Variants in CHD1 observed in about 807,000 individuals in gnomAD.
The protein encoded by CHD1 is ATP-dependent chromatin remodeler CHD1.
A neutral mutation model predicts 224.2 loss-of-function variants in CHD1; 36 were observed. The ratio of observed to expected loss-of-function variants is 0.16; its 90% CI spans 0.12 to 0.21. The LOEUF (loss-of-function observed/expected upper bound fraction) is 0.21. CHD1 is among the 10% of genes least tolerant of loss of function. The probability of loss-of-function intolerance (pLI) is 1.00; values close to 1 mark genes in which losing one functional copy is unlikely to be tolerated. For missense variants in CHD1, 1,378 were observed against 1,994.8 expected, an observed-to-expected ratio of 0.69 and a Z score of 5.89; for synonymous variants, 668 against 658.3, an observed-to-expected ratio of 1.01 and a Z score of -0.23.
At position 98,907,549 on chromosome 5, in the gene CHD1, T is replaced by C. The variant is rs190342046; in HGVS notation, c.54-2451A>G. Among the ~76,000 whole-genome samples the C allele has an allele frequency of 7.6e-3, 1,088 of 143,778 alleles. 10 individuals carry two copies. The highest frequency in any genetic ancestry group is 0.019 in the South Asian group (88 of 4,654). The allele number at this position is 143,778 out of a possible 152,430, so 94.3% of individuals were successfully genotyped here. ...GTTGCAGTGAGCCAAGTTCACGCCA[T>C]TGCACTCCAGCCTGGGCAACAAGAG... On this transcript the variant is annotated intron_variant, in intron 2 of 35. Transcript: ENST00000614616.
intron 18 of CHD1, among the ~76,000 whole-genome samples, chr5:98,885,092 TAA>T (rs1750553450): frequency 6.6e-6 from 1 of 152,026 alleles, no homozygotes; most frequent in African/African-American, 2.4e-5. Flanking sequence ...TTATTGATAA[TAA>T]AGAGTAAAAT....
In CHD1 at chr5:98,856,426, T is replaced by G. The variant is rs372834632; in HGVS notation, c.5087A>C (p.Glu1696Ala). The change falls in exon 36 of 36, where the codon GAA (glutamate) becomes GCA (alanine). Residue 1696 changes from glutamate to alanine, a missense_variant. By Grantham distance (107) the Glu-to-Ala change is moderately radical. Coordinates refer to ENST00000614616, the MANE Select transcript of CHD1 (RefSeq NM_001270.4). ...GSRSPFEHSVEHKSTPEHTWS... is the reference protein window; with the variant it reads ...GSRSPFEHSVAHKSTPEHTWS... ...GGTATGCTCCGGTGTACTTTTGTGT[T>G]CAACTGAATGTTCAAATGGAGATCT... The G allele has an allele frequency of 3.1e-6, 5 of 1,613,152 alleles. No homozygotes were observed. The highest frequency in any genetic ancestry group is 4.2e-6 in the Non-Finnish European group (5 of 1,179,610).
chr5:98,911,391 G>A (rs1163817869), intron 2 of CHD1, among the ~76,000 whole-genome samples: 1 of 151,866 alleles, frequency 6.6e-6, no homozygotes, highest in Non-Finnish European at 1.5e-5. Flanking sequence ...ACTGGTAAGG[G>A]TATTAGTCTT....
intron 26 of CHD1, among the ~76,000 whole-genome samples, chr5:98,873,390 G>A (rs1368628247): frequency 6.6e-6 from 1 of 152,056 alleles, no homozygotes; most frequent in Non-Finnish European, 1.5e-5. Context: ...GAAAATGTCA[G>A]GGGAATTAAA....
intron 31 of CHD1, 72 bp from the exon 32 acceptor site, chr5:98,863,658 AATG>A (rs1748642568): frequency 3.1e-6 from 3 of 982,238 alleles, no homozygotes; most frequent in Admixed American, 2.7e-5. Flanking sequence ...TACCTCCTTC[AATG>A]ATATTTACAT....
intron 25 of CHD1, among the ~76,000 whole-genome samples, chr5:98,874,665 T>C (rs2112341735): frequency 6.8e-6 from 1 of 146,828 alleles, no homozygotes; most frequent in East Asian, 2.0e-4. Context: ...TGAGCCAAGA[T>C]CGCGCCACTG....
chr5:98,854,642 G>A lies in CHD1; in HGVS notation c.*1738C>T, dbSNP rs2112428219. The A allele has an allele frequency of 6.6e-6, 1 of 152,128 alleles. No individual in the cohort carries two copies. Among genetic ancestry groups the A allele is most frequent in the East Asian group, 1.9e-4 (1 of 5,196 alleles). The allele number at this position is 152,128 out of a possible 1,614,324, so 9.4% of individuals were successfully genotyped here. The stretch of plus-strand genomic sequence containing the variant: ...TTCTTCAGGGTAACTGTATCAGAAA[G>A]AGAAATTACTGCAAAAAACAAAACA... On this transcript the variant is annotated 3_prime_UTR_variant, in exon 36 of 36. Coordinates refer to ENST00000614616, the MANE Select transcript of CHD1 (RefSeq NM_001270.4).
intron 28 of CHD1, among the ~76,000 whole-genome samples, chr5:98,871,251 G>A (rs992102272): frequency 6.6e-6 from 1 of 150,990 alleles, no homozygotes; most frequent in Non-Finnish European, 1.5e-5. Context: ...TTTTACAGGG[G>A]AATCTAGACT....
chr5:98,896,799 A>AT (rs939990079), intron 11 of CHD1, among the ~76,000 whole-genome samples: 1 of 151,554 alleles, frequency 6.6e-6, no homozygotes, highest in South Asian at 2.1e-4. Context: ...ATTAAAAAAA[A>AT]AAACTATAGC....
rs1388130344 is a variant in CHD1 at position 98,873,667 on chromosome 5, C to T, written c.3497G>A (p.Arg1166Lys). Residue 1166 changes from arginine to lysine, a missense_variant, in exon 26 of 36, where the codon AGA becomes AAA. Arg to Lys is a conservative substitution (Grantham distance 26). Around this residue, in one of 16 missense-constraint regions of CHD1, gnomAD observed 286 missense variants for 445.1 expected, o/e 0.64. Coordinates refer to ENST00000614616, the MANE Select transcript of CHD1 (RefSeq NM_001270.4). The part of the protein sequence containing the change: ...ELVDKSETDL[R>K]RLGELVHNGC... The stretch of plus-strand genomic sequence containing the variant: ...ATTATGTACCAATTCTCCCAGTCGT[C>T]TAAGGTCTGTTTCTGACTTATCAAC... 1.2e-6 allele frequency: 2 copies of T among 1,610,590 alleles called. No individual in the cohort carries two copies. The highest frequency in any genetic ancestry group is 1.7e-6 in the Non-Finnish European group (2 of 1,178,654).
intron 8 of CHD1, 91 bp from the exon 9 acceptor site, chr5:98,898,855 T>C (rs1034424294): frequency 1.4e-6 from 1 of 730,838 alleles, no homozygotes; most frequent in African/African-American, 1.8e-5. Flanking sequence ...TAGCACAAAA[T>C]CTCCCATTTT....
rs773955381 is a variant in CHD1, at chr5:98,889,095, T to C, written c.2324A>G (p.Asn775Ser). Residue 775 changes from asparagine (N) to serine (S), a missense_variant, in exon 16 of 36, where the codon AAT becomes AGT. Physicochemically the swap from Asn to Ser is conservative, Grantham distance 46 (BLOSUM62 1). Transcript: ENST00000614616. ...IKPPDNNEFY[N>S]KQEALQHLIR... ...TCTTACTTGTAAGGCCTCCTGTTTA[T>C]TATAGAATTCATTATTATCTGGTGG... 10 of 1,591,100 alleles carry C rather than the reference T, an allele frequency of 6.3e-6. No homozygotes were observed. Among genetic ancestry groups the C allele is most frequent in the Non-Finnish European group, 8.6e-6 (10 of 1,162,328 alleles).
At chr5:98,871,874 G>T (rs1254064704) in intron 28 of CHD1, among the ~76,000 whole-genome samples, 177 bp downstream of exon 28, 1 of 152,068 alleles carries the variant, frequency 6.6e-6, no homozygotes, top group Non-Finnish European at 1.5e-5. Flanking sequence ...CAAAATCTCA[G>T]AAATCATTTA....
At chr5:98,917,299 C>CCA (rs775841258) in intron 2 of CHD1, among the ~76,000 whole-genome samples, 15 of 119,846 alleles carry the variant, frequency 1.3e-4, no homozygotes, top group African/African-American at 1.6e-4. Context: ...AACAAAGAAA[C>CCA]AAAAAAAAAA....
At chr5:98,869,545 A>T (rs1355784385) in intron 30 of CHD1, 2 of 548,594 alleles carry the variant, frequency 3.6e-6, no homozygotes, top group East Asian at 3.4e-5. Context: ...AGTGCTATAT[A>T]ATATCTACTG....
intron 32 of CHD1, among the ~76,000 whole-genome samples, chr5:98,862,633 A>C (rs1423231303): frequency 6.6e-6 from 1 of 152,180 alleles, no homozygotes; most frequent in African/African-American, 2.4e-5. Flanking sequence ...AATTTCAATA[A>C]GATGTTCCTT....
chr5:98,858,452 T>C, intron 34 of CHD1, 62 bp from the exon 35 acceptor site: 2 of 1,344,708 alleles, frequency 1.5e-6, no homozygotes. Flanking sequence ...AAAAACTTAG[T>C]TGATAGATAA....
At position 98,881,431 on chromosome 5, in the gene CHD1, C is replaced by T. The variant is rs1750180912; in HGVS notation, c.2868-56G>A. 4 of 792,882 alleles carry T rather than the reference C, an allele frequency of 5.0e-6. No homozygotes were observed. In the South Asian group the frequency reaches 5.5e-5, roughly 11 times the overall value. 49.1% of individuals were successfully genotyped at this position (792,882 alleles called of 1,614,324 possible). A position where few individuals can be genotyped will look rare whatever the true frequency, so the allele number is the denominator to read the frequency against. ...TTAACAGTTAAAAATATAACAGTTA[C>T]ACAGCACTTTTATTAATTACTGACA... is the stretch of plus-strand genomic sequence containing the variant. On this transcript the variant is annotated intron_variant, in intron 20 of 35. Coordinates refer to ENST00000614616, the MANE Select transcript of CHD1 (RefSeq NM_001270.4).
intron 17 of CHD1, among the ~76,000 whole-genome samples, chr5:98,887,125 T>G (rs1432455011): frequency 6.6e-6 from 1 of 152,158 alleles, no homozygotes; most frequent in Non-Finnish European, 1.5e-5. Flanking sequence ...TTGTATACTT[T>G]AAATGAGTAA....
Sources: gnomAD v4.1 joint callset for allele counts (sites outside exome capture counted in the v4.1 genomes callset) on GRCh38, gnomAD v4.1.1 for gene constraint, gnomAD v4.1.1 regional missense constraint, MANE v1.5 for transcripts, NCBI Gene and HGNC (gene_info 2026-07-23, HGNC 2026-07-21) for gene names.